TBL1XR1: variants seen among roughly 807,000 people sequenced by gnomAD.
TBL1XR1 encodes TBL1X/Y related 1, also known as F-box-like/WD repeat-containing protein TBL1XR1.
In TBL1XR1, 5 loss-of-function variants were observed where a neutral mutation model predicts 66.9. The observed-to-expected ratio is 0.07, with a 90% confidence interval of 0.04 to 0.16. The LOEUF is 0.16. Among genes scored for constraint, TBL1XR1 ranks in the 10% least tolerant of loss-of-function variants. The probability of loss-of-function intolerance (pLI) is 1.00; values close to 1 mark genes in which losing one functional copy is unlikely to be tolerated. For missense variants in TBL1XR1, 238 were observed against 623.2 expected (o/e 0.38, Z 6.58); for synonymous variants, 210 against 206.0 (o/e 1.02, Z -0.17).
At chr3:177,042,373 T>TA (rs1352833484) in intron 10 of TBL1XR1, among the ~76,000 whole-genome samples, 1 of 152,114 alleles carries the variant, frequency 6.6e-6, no homozygotes, top group Non-Finnish European at 1.5e-5. Flanking sequence ...TGCAAAATGT[T>TA]AGAGAGGAGG....
At chr3:177,142,536 T>C (rs1034324570) in intron 1 of TBL1XR1, among the ~76,000 whole-genome samples, 3 of 152,220 alleles carry the variant, frequency 2.0e-5, no homozygotes, top group African/African-American at 7.2e-5. Context: ...CTGCTTCAGC[T>C]AGTCTTCACC....
chr3:177,195,022 T>G (rs1736652912), intron 1 of TBL1XR1, among the ~76,000 whole-genome samples: 1 of 152,156 alleles, frequency 6.6e-6, no homozygotes, highest in African/African-American at 2.4e-5. Flanking sequence ...GTCACTTTAT[T>G]AAGTTCCTTA....
chr3:177,108,509 A>T (rs1725156073), intron 1 of TBL1XR1, among the ~76,000 whole-genome samples: 1 of 152,208 alleles, frequency 6.6e-6, no homozygotes, highest in Non-Finnish European at 1.5e-5. Flanking sequence ...GCTTGATAAC[A>T]AGTATGAACA....
At chr3:177,197,739 C>G (rs1043046415), upstream of TBL1XR1, among the ~76,000 whole-genome samples, 4 of 146,496 alleles carry the variant, frequency 2.7e-5, no homozygotes, top group African/African-American at 9.8e-5. Context: ...GCGCTCCTCT[C>G]CTTCCCGGCC....
intron 14 of TBL1XR1, among the ~76,000 whole-genome samples, chr3:177,030,862 A>T (rs1370806582): frequency 6.6e-6 from 1 of 152,236 alleles, no homozygotes; most frequent in African/African-American, 2.4e-5. Flanking sequence ...CTGTAATCCC[A>T]GCACTTTGGG....
At chr3:177,060,258 A>G (rs961076814) in intron 3 of TBL1XR1, among the ~76,000 whole-genome samples, 1 of 152,178 alleles carries the variant, frequency 6.6e-6, no homozygotes. Flanking sequence ...GATTTTATAT[A>G]TTTCCTTCTT....
chr3:177,115,623 C>CT (rs1400791633), intron 1 of TBL1XR1, among the ~76,000 whole-genome samples: 10 of 152,294 alleles, frequency 6.6e-5, no homozygotes, highest in Non-Finnish European at 1.2e-4. Context: ...TCATTCCACT[C>CT]TTTCCCCGCA....
intron 12 of TBL1XR1, among the ~76,000 whole-genome samples, chr3:177,034,960 AAT>A (rs1714560656): frequency 6.6e-6 from 1 of 152,054 alleles, no homozygotes; most frequent in African/African-American, 2.4e-5. Flanking sequence ...AAAATCACTC[AAT>A]AAAGACATGG....
At chr3:177,197,023 A>G (rs913543292) in intron 1 of TBL1XR1, 98 bp downstream of exon 1, 11 of 136,696 alleles carry the variant, frequency 8.0e-5, no homozygotes, top group African/African-American at 1.1e-4. Context: ...ACTCGCGCCC[A>G]TCCCCCCGCG....
intron 2 of TBL1XR1, among the ~76,000 whole-genome samples, chr3:177,071,032 T>TTTTTTTTTTTG (rs1719923599): frequency 1.9e-5 from 1 of 53,102 alleles, no homozygotes; most frequent in African/African-American, 6.9e-5. Context: ...TGAGAATCTG[T>TTTTTTTTTTTG]TTTTTTTTTT....
rs1484145571 is a variant in TBL1XR1 at position 177,023,995 on chromosome 3, GTA to G, written c.*1501_*1502del. 3 of 151,722 alleles carry G rather than the reference GTA, an allele frequency of 2.0e-5. No homozygotes were observed. Among genetic ancestry groups the G allele is most frequent in the African/African-American group, 7.3e-5 (3 of 41,310 alleles). 9.4% of individuals were successfully genotyped at this position (151,722 alleles called of 1,614,324 possible). On this transcript the variant is annotated 3_prime_UTR_variant, in exon 16 of 16. Transcript: ENST00000457928. ...CATGGCCTCATGCAATCATTTGTCT[GTA>G]TATGTTACTCTAAGTTGCATGAGCA...
intron 1 of TBL1XR1, among the ~76,000 whole-genome samples, chr3:177,124,539 T>C (rs1294625494): frequency 6.6e-6 from 1 of 152,042 alleles, no homozygotes; most frequent in African/African-American, 2.4e-5. Flanking sequence ...TAGGGCTAAA[T>C]AAACAAACTC....
intron 1 of TBL1XR1, among the ~76,000 whole-genome samples, chr3:177,152,932 G>T (rs1437026688): frequency 6.6e-6 from 1 of 152,116 alleles, no homozygotes; most frequent in African/African-American, 2.4e-5. Context: ...CTTGAGGTCA[G>T]GAGTTGGAGA....
chr3:177,150,705 T>C (rs1426262229), intron 1 of TBL1XR1, among the ~76,000 whole-genome samples: 1 of 152,192 alleles, frequency 6.6e-6, no homozygotes, highest in African/African-American at 2.4e-5. Context: ...TGTGGAAAAA[T>C]ATGTCCTGTG....
At chr3:177,082,270 A>T (rs1252741792) in intron 2 of TBL1XR1, among the ~76,000 whole-genome samples, 1 of 152,166 alleles carries the variant, frequency 6.6e-6, no homozygotes, top group African/African-American at 2.4e-5. Flanking sequence ...ACCAAAAAAG[A>T]AGTCCAAATT....
At chr3:177,087,131 G>A (rs1340097448) in intron 2 of TBL1XR1, 2 of 148,038 alleles carry the variant, frequency 1.4e-5, no homozygotes, top group East Asian at 4.0e-4. Flanking sequence ...AAAAAACCAA[G>A]TAGAAGTGAA....
chr3:177,027,998 A>C (rs942376691), intron 14 of TBL1XR1, among the ~76,000 whole-genome samples: 1 of 152,232 alleles, frequency 6.6e-6, no homozygotes, highest in Admixed American at 6.5e-5. Flanking sequence ...AAAACAAAAC[A>C]ACTTTCTTTT....
chr3:177,154,277 G>C (rs1473771861), intron 1 of TBL1XR1, among the ~76,000 whole-genome samples: 4 of 152,122 alleles, frequency 2.6e-5, no homozygotes, highest in Non-Finnish European at 5.9e-5. Context: ...AGGTACTCTA[G>C]AGCAAGGACT....
intron 2 of TBL1XR1, among the ~76,000 whole-genome samples, chr3:177,069,733 T>C (rs1002807372): frequency 7.5e-6 from 1 of 132,810 alleles, no homozygotes; most frequent in Non-Finnish European, 1.5e-5. Context: ...AGGAAAACTC[T>C]GACGAAAGAA....
Sources: allele counts gnomAD v4.1 joint callset (sites outside exome capture counted in the v4.1 genomes callset), GRCh38; gene constraint gnomAD v4.1.1; transcripts MANE v1.5; gene names NCBI Gene and HGNC (gene_info 2026-07-23, HGNC 2026-07-21).